Variants in ATRNL1 observed in about 807,000 individuals in gnomAD.
The protein encoded by ATRNL1 is attractin like 1.
In ATRNL1, 95 loss-of-function variants were observed where a neutral mutation model predicts 182.7. The ratio of observed to expected loss-of-function variants is 0.52; its 90% confidence interval spans 0.44 to 0.62. The LOEUF is 0.62. Ranked by LOEUF, ATRNL1 falls within the 20% of genes least tolerant of loss-of-function variation. The pLI is 0.00. For missense variants in ATRNL1, 1,471 were observed against 1,679.5 expected (o/e 0.88, Z 2.17); for synonymous variants, 576 against 568.3 (o/e 1.01, Z -0.19).
At chr10:115,229,154 T>C (rs532446589) in intron 9 of ATRNL1, among the ~76,000 whole-genome samples, 1 of 152,300 alleles carries the variant, frequency 6.6e-6, no homozygotes, top group South Asian at 2.1e-4. Context: ...TTCTGTACTT[T>C]TAAAATGTCT....
At chr10:115,120,372 T>A (rs1202936578) in intron 2 of ATRNL1, 104 bp downstream of exon 2, 1 of 563,626 alleles carries the variant, frequency 1.8e-6, no homozygotes, top group African/African-American at 2.0e-5. Context: ...ATCATTTAGT[T>A]TGTTTATTAT....
intron 19 of ATRNL1, among the ~76,000 whole-genome samples, chr10:115,382,801 G>T (rs1554951591): frequency 6.6e-6 from 1 of 151,474 alleles, no homozygotes; most frequent in Non-Finnish European, 1.5e-5. Flanking sequence ...ATTGCAGTGG[G>T]AGAAAAGATT....
rs568578396 is a variant in ATRNL1 at position 115,123,231 on chromosome 10, C to T, written c.491+1419C>T. 4.0e-4 allele frequency among the ~76,000 whole-genome samples: 61 copies of T among 152,260 alleles called. 1 individual carries two copies. In the South Asian group the frequency reaches 0.012, roughly 30 times the overall value. ...ACTCATGTTTATTGATATTGAATAT[C>T]CACTTGATGTTAAGCACTAGGCTAG... is the stretch of plus-strand genomic sequence containing the variant. On this transcript the variant is annotated intron_variant, in intron 3 of 28. Transcript: ENST00000355044.
chr10:115,490,709 CCTT>C (rs2134653839), intron 24 of ATRNL1, among the ~76,000 whole-genome samples: 1 of 152,154 alleles, frequency 6.6e-6, no homozygotes, highest in South Asian at 2.1e-4. Context: ...TTATTACCCA[CCTT>C]CTAAAGCCTA....
At chr10:115,657,654 T>C (rs1860410988) in intron 26 of ATRNL1, among the ~76,000 whole-genome samples, 1 of 152,156 alleles carries the variant, frequency 6.6e-6, no homozygotes, top group Admixed American at 6.5e-5. Context: ...ATCTTTAGAA[T>C]TCCCGGCCCA....
intron 25 of ATRNL1, among the ~76,000 whole-genome samples, chr10:115,531,712 G>C (rs1480420015): frequency 0.027 from 4,113 of 151,128 alleles, 209 homozygotes; most frequent in African/African-American, 0.096. Context: ...CCATGCCTAT[G>C]TCCTGAATGG....
intron 28 of ATRNL1, among the ~76,000 whole-genome samples, chr10:115,942,252 T>C (rs1953753015): frequency 6.6e-6 from 1 of 152,220 alleles, no homozygotes; most frequent in Admixed American, 6.5e-5. Context: ...CTTCCTTATC[T>C]CTTCCCATTG....
In ATRNL1 at chr10:115,311,391, G is replaced by A. The variant is rs1044716659; in HGVS notation, c.2819-4127G>A. On this transcript the variant is annotated intron_variant, in intron 17 of 28. Transcript: ENST00000355044. ...TTTTAGTAGAAACCGGTTTCACCATGTTGGTCAGGCTGGTCTCAAACTCCT... is the reference window on the plus strand; with the variant it reads ...TTTTAGTAGAAACCGGTTTCACCATATTGGTCAGGCTGGTCTCAAACTCCT... Among the ~76,000 whole-genome samples, 9 of 152,210 alleles carry A rather than the reference G, an allele frequency of 5.9e-5. 2 individuals carry two copies. Among genetic ancestry groups the A allele is most frequent in the Admixed American group, 5.9e-4 (9 of 15,292 alleles).
chr10:115,588,353 T>C (rs115655527), intron 26 of ATRNL1, among the ~76,000 whole-genome samples: 140 of 152,268 alleles, frequency 9.2e-4, no homozygotes, highest in African/African-American at 3.2e-3. Context: ...GCTTAGAGTG[T>C]TGGCAGATAG....
chr10:115,162,061 C>T (rs1338429755), intron 6 of ATRNL1, among the ~76,000 whole-genome samples: 1 of 151,788 alleles, frequency 6.6e-6, no homozygotes, highest in Non-Finnish European at 1.5e-5. Flanking sequence ...CTTTTGAAAA[C>T]ACTACGTGCT....
intron 9 of ATRNL1, among the ~76,000 whole-genome samples, chr10:115,230,750 A>G (rs1849889242): frequency 6.6e-6 from 1 of 152,016 alleles, no homozygotes; most frequent in African/African-American, 2.4e-5. Context: ...GAGGGAGATG[A>G]TGGTATCTGG....
Position 115,215,693 on chromosome 10 carries a change from A to C in ATRNL1, c.1349-4A>C, listed in dbSNP as rs201972483. The C allele has an allele frequency of 3.2e-6, 5 of 1,580,386 alleles. No individual in the cohort carries two copies. In the East Asian group the frequency reaches 1.2e-4, roughly 37 times the overall value. ...ATTTATAATGTATTTTATTTCTGTT[A>C]CAGCATCAAACACTTGGCTTGTTCC... On this transcript the variant is annotated splice_polypyrimidine_tract_variant and splice_region_variant and intron_variant, in intron 8 of 28. Transcript: ENST00000355044.
At chr10:115,879,699 A>G (rs919232420) in intron 28 of ATRNL1, among the ~76,000 whole-genome samples, 5 of 152,194 alleles carry the variant, frequency 3.3e-5, no homozygotes, top group Non-Finnish European at 5.9e-5. Context: ...CTTTTTAGCA[A>G]TAGATTGTAA....
chr10:115,569,892 C>A (rs1340775509), intron 26 of ATRNL1, among the ~76,000 whole-genome samples: 1 of 151,854 alleles, frequency 6.6e-6, no homozygotes, highest in African/African-American at 2.4e-5. Context: ...GAGGCTGGGA[C>A]GTCTAAGATC....
chr10:115,369,042 C>A (rs1426080750), intron 19 of ATRNL1, among the ~76,000 whole-genome samples: 1 of 151,980 alleles, frequency 6.6e-6, no homozygotes, highest in Non-Finnish European at 1.5e-5. Flanking sequence ...ATACTGCATA[C>A]GAGTGAAATC....
intron 27 of ATRNL1, among the ~76,000 whole-genome samples, chr10:115,814,271 A>T (rs569953081): frequency 6.6e-6 from 1 of 152,272 alleles, no homozygotes; most frequent in East Asian, 1.9e-4. Context: ...ACTGTATTGA[A>T]GAAAATATCA....
At chr10:115,782,109 TAA>T (rs1555079453) in intron 27 of ATRNL1, among the ~76,000 whole-genome samples, 1 of 152,206 alleles carries the variant, frequency 6.6e-6, no homozygotes, top group East Asian at 1.9e-4. Flanking sequence ...TGTCTCAGTT[TAA>T]GTGTCTTTAC....
chr10:115,867,934 T>C (rs2134407631), intron 28 of ATRNL1, among the ~76,000 whole-genome samples: 1 of 152,212 alleles, frequency 6.6e-6, no homozygotes, highest in East Asian at 1.9e-4. Flanking sequence ...ATTTAATTTT[T>C]TTGTATTTTA....
chr10:115,223,887 ATG>A (rs1185815693), intron 9 of ATRNL1, among the ~76,000 whole-genome samples: 915 of 79,884 alleles, frequency 0.011, 13 homozygotes, highest in African/African-American at 0.039. Context: ...TATTTAATAT[ATG>A]TGTGTGTGTG....
Sources: allele counts gnomAD v4.1 joint callset (sites outside exome capture counted in the v4.1 genomes callset), GRCh38; gene constraint gnomAD v4.1.1; transcripts MANE v1.5; gene names NCBI Gene and HGNC (gene_info 2026-07-23, HGNC 2026-07-21).